LOC128462377: variants seen among roughly 807,000 people sequenced by gnomAD.
the LOC128462377 span, among the ~76,000 whole-genome samples, chr16:89,410,696 C>T: frequency 7.2e-5 from 11 of 152,332 alleles, no homozygotes; most frequent in Admixed American, 2.0e-4. Flanking sequence ...ATCCATTTAG[C>T]AAAACGTCAA....
chr16:89,346,262 A>AG, the LOC128462377 span, among the ~76,000 whole-genome samples: 1 of 151,432 alleles, frequency 6.6e-6, no homozygotes, highest in African/African-American at 2.4e-5. Flanking sequence ...AAAAAAAAAA[A>AG]AAAAAAAAGA....
chr16:89,388,143 C>T, the LOC128462377 span, among the ~76,000 whole-genome samples: 3 of 152,082 alleles, frequency 2.0e-5, no homozygotes, highest in Non-Finnish European at 2.9e-5. Flanking sequence ...TAACATCATA[C>T]ATAAACATAA....
the LOC128462377 span, among the ~76,000 whole-genome samples, chr16:89,364,794 A>G: frequency 2.0e-5 from 3 of 152,124 alleles, no homozygotes; most frequent in African/African-American, 7.2e-5. Context: ...AGAATCACAC[A>G]ATCTCATCTC....
At chr16:89,323,341 A>G in the LOC128462377 span, 2 of 1,288,638 alleles carry the variant, frequency 1.6e-6, no homozygotes, top group Middle Eastern at 2.1e-4. Context: ...CAGGTATGGA[A>G]GAGAAGCACC....
the LOC128462377 span, among the ~76,000 whole-genome samples, chr16:89,372,265 C>A: frequency 6.6e-6 from 1 of 152,258 alleles, no homozygotes; most frequent in Non-Finnish European, 1.5e-5. Flanking sequence ...GCCCGAGCCT[C>A]TCACTGAGAT....
chr16:89,375,957 C>T, the LOC128462377 span, among the ~76,000 whole-genome samples: 26 of 152,094 alleles, frequency 1.7e-4, no homozygotes, highest in African/African-American at 3.4e-4. Flanking sequence ...CGTGACACGC[C>T]GCAGCCTGTG....
chr16:89,345,487 G>C, the LOC128462377 span, among the ~76,000 whole-genome samples: 1 of 152,212 alleles, frequency 6.6e-6, no homozygotes, highest in Non-Finnish European at 1.5e-5. Flanking sequence ...CAAGCACGGA[G>C]GCAGAGACCA....
At chr16:89,359,779 T>C in the LOC128462377 span, among the ~76,000 whole-genome samples, 1 of 152,210 alleles carries the variant, frequency 6.6e-6, no homozygotes. Context: ...TAGTCTACAC[T>C]ACATTCTATG....
At chr16:89,368,909 A>G in the LOC128462377 span, among the ~76,000 whole-genome samples, 2 of 152,184 alleles carry the variant, frequency 1.3e-5, no homozygotes, top group Non-Finnish European at 2.9e-5. Context: ...CAAAAATTTA[A>G]AAAATGGGCA....
chr16:89,351,553 G>C, the LOC128462377 span, among the ~76,000 whole-genome samples: 1 of 152,172 alleles, frequency 6.6e-6, no homozygotes, highest in Non-Finnish European at 1.5e-5. Flanking sequence ...CAGACTCTCG[G>C]GCAGGTCTGT....
chr16:89,336,663 C>T, the LOC128462377 span, among the ~76,000 whole-genome samples: 2 of 152,146 alleles, frequency 1.3e-5, no homozygotes, highest in African/African-American at 2.4e-5. Context: ...GGGTGGGCCA[C>T]GACAGGGAGC....
chr16:89,411,129 G>A, the LOC128462377 span, among the ~76,000 whole-genome samples: 3 of 152,274 alleles, frequency 2.0e-5, no homozygotes, highest in East Asian at 5.8e-4. Flanking sequence ...AGGGCAGAAG[G>A]CAGCAGCACA....
chr16:89,329,308 C>G, the LOC128462377 span, among the ~76,000 whole-genome samples: 7,545 of 152,186 alleles, frequency 0.05, 663 homozygotes, highest in African/African-American at 0.17. Flanking sequence ...ATGTCATGTT[C>G]CCGGCCACTG....
At chr16:89,414,398 C>G in the LOC128462377 span, among the ~76,000 whole-genome samples, 2 of 152,122 alleles carry the variant, frequency 1.3e-5, no homozygotes, top group Non-Finnish European at 2.9e-5. Context: ...CACTGGGAAC[C>G]GCGTGCTGGG....
the LOC128462377 span, among the ~76,000 whole-genome samples, chr16:89,331,306 T>A: frequency 6.6e-6 from 1 of 152,204 alleles, no homozygotes; most frequent in African/African-American, 2.4e-5. Context: ...TACTCTATAA[T>A]GAGGCTAATA....
At chr16:89,377,028 G>A in the LOC128462377 span, among the ~76,000 whole-genome samples, 4 of 152,174 alleles carry the variant, frequency 2.6e-5, no homozygotes, top group Non-Finnish European at 5.9e-5. Flanking sequence ...TGCTTCCATT[G>A]ATGCTTTGTC....
At chr16:89,396,483 C>G in the LOC128462377 span, among the ~76,000 whole-genome samples, 1 of 152,176 alleles carries the variant, frequency 6.6e-6, no homozygotes, top group Non-Finnish European at 1.5e-5. Context: ...ATGAAAATCT[C>G]CATAATTATA....
the LOC128462377 span, among the ~76,000 whole-genome samples, chr16:89,376,200 G>A: frequency 4.6e-3 from 707 of 152,326 alleles, 27 homozygotes; most frequent in Admixed American, 0.041. Flanking sequence ...AATACCAATA[G>A]ACTCTAGTCT....
chr16:89,349,478 C>CA, the LOC128462377 span, among the ~76,000 whole-genome samples: 116 of 152,124 alleles, frequency 7.6e-4, no homozygotes, highest in African/African-American at 2.7e-3. Flanking sequence ...AGACTCATCT[C>CA]AAAAAAGACC....
Sources: allele counts gnomAD v4.1 joint callset (sites outside exome capture counted in the v4.1 genomes callset), GRCh38; gene constraint gnomAD v4.1.1; transcripts MANE v1.5.